CYYR1: variants seen among roughly 807,000 people sequenced by gnomAD.
The protein encoded by CYYR1 is cysteine and tyrosine rich 1, also known as cysteine and tyrosine-rich protein 1.
A neutral mutation model predicts 15.2 loss-of-function variants in CYYR1; 14 were observed. The observed-to-expected ratio is 0.92, with a 90% confidence interval of 0.61 to 1.44. CYYR1 has a LOEUF of 1.44. Ranked by LOEUF, CYYR1 falls within the 40% of genes most tolerant of loss-of-function variation. The pLI, the probability that CYYR1 is intolerant of heterozygous loss-of-function variation, is 0.00. For synonymous variants in CYYR1, 80 were observed against 77.4 expected (o/e 1.03, Z -0.18); for missense variants, 228 against 209.5 (o/e 1.09, Z -0.54).
In CYYR1 at chr21:26,556,241, C is replaced by T. The variant is rs1278482276; in HGVS notation, c.176+10025G>A. 1.3e-5 allele frequency among the ~76,000 whole-genome samples: 2 copies of T among 152,128 alleles called. 1 individual carries two copies. The highest frequency in any genetic ancestry group is 4.1e-4 in the South Asian group (2 of 4,832). On this transcript the variant is annotated intron_variant, in intron 2 of 3. Transcript: ENST00000652641. ...CAAATATTTTTCCAGATGATGAACA[C>T]TAGTTTAGAACCCACAAAATGTCAG...
chr21:26,562,588 T>C (rs2123719789), intron 2 of CYYR1, among the ~76,000 whole-genome samples: 1 of 152,284 alleles, frequency 6.6e-6, no homozygotes, highest in African/African-American at 2.4e-5. Flanking sequence ...ATTTCCTTTC[T>C]TGTATCTTTG....
At chr21:26,561,648 A>T (rs1980210231) in intron 2 of CYYR1, among the ~76,000 whole-genome samples, 1 of 152,086 alleles carries the variant, frequency 6.6e-6, no homozygotes, top group African/African-American at 2.4e-5. Flanking sequence ...TGGGGATTTT[A>T]TGTTGGCCAG....
chr21:26,536,796 C>T (rs1217535539), intron 2 of CYYR1, among the ~76,000 whole-genome samples: 1 of 152,154 alleles, frequency 6.6e-6, no homozygotes, highest in Non-Finnish European at 1.5e-5. Flanking sequence ...CCTTGATCTT[C>T]TGCATTCTCC....
intron 2 of CYYR1, among the ~76,000 whole-genome samples, chr21:26,548,195 C>T (rs909066748): frequency 6.6e-6 from 1 of 152,068 alleles, no homozygotes; most frequent in Non-Finnish European, 1.5e-5. Context: ...AATATATTTA[C>T]CATGGTAATT....
intron 3 of CYYR1, among the ~76,000 whole-genome samples, chr21:26,477,061 G>A (rs564192924): frequency 6.6e-5 from 10 of 152,186 alleles, no homozygotes; most frequent in East Asian, 1.9e-4. Flanking sequence ...TTTTCACCTC[G>A]TGTAGAGTAA....
At chr21:26,472,787 ATAGT>A (rs1453615739) in intron 3 of CYYR1, among the ~76,000 whole-genome samples, 1 of 152,170 alleles carries the variant, frequency 6.6e-6, no homozygotes, top group East Asian at 1.9e-4. Context: ...AACAAAATAT[ATAGT>A]TATTCATTTA....
chr21:26,502,510 G>A (rs1398687743), intron 2 of CYYR1, among the ~76,000 whole-genome samples: 2 of 152,028 alleles, frequency 1.3e-5, no homozygotes, highest in African/African-American at 2.4e-5. Context: ...GAAAATTAGG[G>A]TAGTTGTTTC....
chr21:26,482,570 G>A (rs1050377009), intron 2 of CYYR1: 6 of 927,222 alleles, frequency 6.5e-6, no homozygotes, highest in South Asian at 5.0e-5. Flanking sequence ...GTTGAAGCAC[G>A]TTCCTGAATG....
intron 2 of CYYR1, chr21:26,506,837 T>G (rs1293545600): frequency 6.6e-6 from 1 of 152,138 alleles, no homozygotes; most frequent in Non-Finnish European, 1.5e-5. Context: ...ACTTGACCAC[T>G]GGTAACTCTA....
chr21:26,488,454 A>G (rs1199581485), intron 2 of CYYR1, among the ~76,000 whole-genome samples: 2 of 151,982 alleles, frequency 1.3e-5, no homozygotes, highest in Admixed American at 6.6e-5. Flanking sequence ...GGATTTCGCT[A>G]TGTTGCCAGG....
chr21:26,485,675 C>T (rs1196825512), intron 2 of CYYR1, among the ~76,000 whole-genome samples: 1 of 152,016 alleles, frequency 6.6e-6, no homozygotes, highest in Admixed American at 6.6e-5. Context: ...CCTAGATGAG[C>T]AAGCAGTCCA....
At chr21:26,473,802 T>G (rs1053034249) in intron 3 of CYYR1, among the ~76,000 whole-genome samples, 1 of 152,136 alleles carries the variant, frequency 6.6e-6, no homozygotes, top group Non-Finnish European at 1.5e-5. Flanking sequence ...AAAGGGACAT[T>G]CACATCACCT....
intron 2 of CYYR1, among the ~76,000 whole-genome samples, chr21:26,497,653 C>G (rs534371460): frequency 6.6e-6 from 1 of 152,238 alleles, no homozygotes; most frequent in African/African-American, 2.4e-5. Flanking sequence ...ATTAAACTAC[C>G]ATGGACTAGT....
At chr21:26,492,693 A>T (rs1412881559) in intron 2 of CYYR1, among the ~76,000 whole-genome samples, 1 of 146,890 alleles carries the variant, frequency 6.8e-6, no homozygotes, top group Non-Finnish European at 1.5e-5. Flanking sequence ...TCTAGTGGCC[A>T]TCTGTTCTGG....
At chr21:26,555,961 G>A (rs1159180055) in intron 2 of CYYR1, among the ~76,000 whole-genome samples, 1 of 152,156 alleles carries the variant, frequency 6.6e-6, no homozygotes, top group Non-Finnish European at 1.5e-5. Flanking sequence ...GTCATAGGCT[G>A]GCAGATCATA....
intron 2 of CYYR1, chr21:26,564,563 C>T: frequency 1.6e-6 from 1 of 608,668 alleles, no homozygotes. Context: ...AAAATGTGAA[C>T]TTCACTGCAA....
chr21:26,472,520 C>T (rs112695626), intron 3 of CYYR1, among the ~76,000 whole-genome samples: 4,742 of 151,992 alleles, frequency 0.031, 253 homozygotes, highest in African/African-American at 0.11. Context: ...CTTTGTTTTA[C>T]TTGATCATTT....
At chr21:26,480,576 T>TC (rs1569140420) in intron 2 of CYYR1, 147 bp from the exon 3 acceptor site, 5 of 802,696 alleles carry the variant, frequency 6.2e-6, no homozygotes, top group Non-Finnish European at 8.9e-6. Flanking sequence ...TTTTTTTTTT[T>TC]AAAACCCATA....
At chr21:26,471,125 C>T (rs917067306) in intron 3 of CYYR1, 1 of 152,104 alleles carries the variant, frequency 6.6e-6, no homozygotes, top group African/African-American at 2.4e-5. Flanking sequence ...ACCCACGCCT[C>T]GACTTCATTA....
Sources: gnomAD v4.1 joint callset for allele counts (sites outside exome capture counted in the v4.1 genomes callset) on GRCh38, gnomAD v4.1.1 for gene constraint, MANE v1.5 for transcripts, NCBI Gene and HGNC (gene_info 2026-07-23, HGNC 2026-07-21) for gene names.